GATA3: variants seen among roughly 807,000 people sequenced by gnomAD.
GATA3 encodes the protein GATA binding protein 3.
GATA3 carries 6 observed loss-of-function variants against 36.0 expected under a neutral mutation model. The observed-to-expected ratio is 0.17, with a 90% CI of 0.09 to 0.33. GATA3 has a LOEUF of 0.33. Ranked by LOEUF, GATA3 falls within the 10% of genes least tolerant of loss-of-function variation. The pLI, the probability that GATA3 is intolerant of heterozygous loss-of-function variation, is 1.00. For synonymous variants in GATA3, 326 were observed against 273.0 expected (o/e 1.19, Z -1.92); for missense variants, 514 against 610.1 (o/e 0.84, Z 1.66).
chr10:8,059,696 A>C (rs11567904), intron 3 of GATA3, among the ~76,000 whole-genome samples: 215 of 152,362 alleles, frequency 1.4e-3, no homozygotes, highest in African/African-American at 5.0e-3. Context: ...ATTTTTATTC[A>C]GTTGGTGTCA....
Position 8,055,983 on chromosome 10 carries a change from G to T in GATA3, c.241+87G>T. 1 of 1,515,858 alleles carries T rather than the reference G, an allele frequency of 6.6e-7. No homozygotes were observed. Among genetic ancestry groups the T allele is most frequent in the Non-Finnish European group, 8.9e-7 (1 of 1,118,428 alleles). 93.9% of individuals were successfully genotyped at this position (1,515,858 alleles called of 1,614,324 possible). On this transcript the variant is annotated intron_variant, in intron 2 of 5. Coordinates refer to ENST00000379328, the MANE Select transcript of GATA3 (RefSeq NM_001002295.2). This position sits in a 1 kb window ranked among gnomAD's most constrained non-coding sequence, Gnocchi z 5.4. ...GTCGGGAGGGACCTGAGGGCGGGGA[G>T]AGGTCAAGCGAAAGCCCCCATCTGC...
chr10:8,047,102 TG>T lies in GATA3; in HGVS notation c.-370+1591del, dbSNP rs1417474284. Among the ~76,000 whole-genome samples, 33 of 152,222 alleles carry T rather than the reference TG, an allele frequency of 2.2e-4. No homozygotes were observed. The East Asian group carries it at 6.2e-3, about 28-fold the overall frequency. On this transcript the variant is annotated intron_variant, in intron 1 of 1. Transcript: ENST00000643001. ...GCCTTCTTGCAGAAGATAAACGAGG[TG>T]GGGACAGTCAGGGGCGCAGAGAAGG...
upstream of GATA3, among the ~76,000 whole-genome samples, chr10:8,049,261 T>A (rs1165892735): frequency 6.6e-6 from 1 of 152,168 alleles, no homozygotes; most frequent in African/African-American, 2.4e-5. Context: ...AGTTGCCCCT[T>A]GGACGCACCC....
At position 8,058,395 on chromosome 10, in the gene GATA3, C is replaced by T. The variant is rs2131488574; in HGVS notation, c.332C>T (p.Pro111Leu). 1 of 1,612,878 alleles carries T rather than the reference C, an allele frequency of 6.2e-7. No homozygotes were observed. Among genetic ancestry groups the T allele is most frequent in the Non-Finnish European group, 8.5e-7 (1 of 1,179,974 alleles). The change falls in exon 3 of 6, where the codon CCC becomes CTC. Residue 111 changes from proline (P) to leucine (L), a missense_variant. Pro to Leu is a moderately conservative substitution (Grantham distance 98, BLOSUM62 -3). Transcript: ENST00000379328. ...KALGSHHTAS[P>L]WNLSPFSKTS... is the part of the protein sequence containing the mutation. ...CTGGGCAGCCACCACACCGCCTCCC[C>T]CTGGAATCTCAGCCCCTTCTCCAAG... is the stretch of plus-strand genomic sequence containing the variant.
At position 8,056,273 on chromosome 10, in the gene GATA3, G is replaced by A. The variant is rs569645738; in HGVS notation, c.241+377G>A. ...CGCGGGTCCGGGCTCTCTGGGCCCG[G>A]TAGCCGGCGCCGGACAAGCACGGCT... On this transcript the variant is annotated intron_variant, in intron 2 of 5. Coordinates refer to ENST00000379328, the MANE Select transcript of GATA3 (RefSeq NM_001002295.2). Among the ~76,000 whole-genome samples, 3 of 152,282 alleles carry A rather than the reference G, an allele frequency of 2.0e-5. No homozygotes were observed. The South Asian group carries it at 6.2e-4, about 32-fold the overall frequency.
chr10:8,061,066 G>GCTCTCTCT (rs111353803), intron 3 of GATA3, among the ~76,000 whole-genome samples: 41 of 149,044 alleles, frequency 2.8e-4, no homozygotes, highest in African/African-American at 1.0e-3. Flanking sequence ...TTTAGTGGTT[G>GCTCTCTCT]CTCTCTCTCT....
intron 1 of GATA3, among the ~76,000 whole-genome samples, chr10:8,046,868 A>G (rs1832395252): frequency 6.6e-6 from 1 of 151,990 alleles, no homozygotes; most frequent in Admixed American, 6.6e-5. Flanking sequence ...CCCTGCTTGC[A>G]GCTCCCAGCC....
At position 8,046,434 on chromosome 10, in the gene GATA3, T is replaced by C. The variant is rs1170049345; in HGVS notation, c.-370+919T>C. Among the ~76,000 whole-genome samples the C allele has an allele frequency of 2.0e-5, 3 of 152,214 alleles. No homozygotes were observed. The East Asian group carries it at 5.8e-4, about 29-fold the overall frequency. On this transcript the variant is annotated intron_variant, in intron 1 of 1. Transcript: ENST00000643001. Reference sequence around the variant, plus strand: ...TTCCTGGTCCTTCTCTCCTCCCTATTGTCCATGCTCACCAGGATGCTGGGG... The same window carrying C: ...TTCCTGGTCCTTCTCTCCTCCCTATCGTCCATGCTCACCAGGATGCTGGGG...
chr10:8,060,847 G>A (rs888809215), intron 3 of GATA3, among the ~76,000 whole-genome samples: 6 of 152,164 alleles, frequency 3.9e-5, no homozygotes, highest in African/African-American at 7.2e-5. Context: ...TTTTTTTGGC[G>A]AGGAGGAGAG....
At chr10:8,068,695 G>A (rs1486392403) in intron 4 of GATA3, among the ~76,000 whole-genome samples, 3 of 152,254 alleles carry the variant, frequency 2.0e-5, no homozygotes, top group African/African-American at 7.2e-5. Context: ...GGAGGTTGCA[G>A]TGAGCTGAGA....
rs368931045 is a variant in GATA3 at position 8,066,184 on chromosome 10, CTCTG to C, written c.924+2051_924+2054del. Among the ~76,000 whole-genome samples, 9 of 152,058 alleles carry C rather than the reference CTCTG, an allele frequency of 5.9e-5. No individual in the cohort carries two copies. The East Asian group carries it at 1.5e-3, about 26-fold the overall frequency. The stretch of plus-strand genomic sequence containing the variant: ...TTTGACATTTTCTTGGGTCTTCTTC[CTCTG>C]TCTGGTCAGATTGCAGAGGAGGATC... On this transcript the variant is annotated intron_variant, in intron 4 of 5. Transcript: ENST00000379328.
chr10:8,045,429 C>T (rs1394503046), exon 1 of GATA3: 2 of 152,502 alleles, frequency 1.3e-5, no homozygotes, highest in African/African-American at 4.8e-5. Flanking sequence ...CAGTGGCGAA[C>T]TCTGCCTGTC....
chr10:8,055,717 G>C lies in GATA3; in HGVS notation c.62G>C (p.Gly21Ala). 2 of 1,567,700 alleles carry C rather than the reference G, an allele frequency of 1.3e-6. No individual in the cohort carries two copies. The highest frequency in any genetic ancestry group is 1.7e-6 in the Non-Finnish European group (2 of 1,156,494). Reference sequence around the variant, plus strand: ...CACCACCACCCCGCCGTGCTCAACGGGCAGCACCCGGACACGCACCACCCG... The same window carrying C: ...CACCACCACCCCGCCGTGCTCAACGCGCAGCACCCGGACACGCACCACCCG... ...VSHHHPAVLNGQHPDTHHPGL... is the reference protein window; with the variant it reads ...VSHHHPAVLNAQHPDTHHPGL... The change falls in exon 2 of 6, where the codon GGG (glycine) becomes GCG (alanine). Residue 21 changes from glycine (G) to alanine (A), a missense_variant. By Grantham distance (60) the Gly-to-Ala change is moderately conservative. Transcript: ENST00000379328. The surrounding 1 kb of genome is among the most constrained non-coding windows in gnomAD (Gnocchi z 5.4).
At chr10:8,052,679 G>A (rs1224339482), upstream of GATA3, 2 of 152,162 alleles carry the variant, frequency 1.3e-5, no homozygotes, top group Non-Finnish European at 2.9e-5. Context: ...GCAAAAATGC[G>A]TGTGCATTCG....
intron 4 of GATA3, among the ~76,000 whole-genome samples, chr10:8,065,962 T>A (rs1465216019): frequency 7.9e-4 from 72 of 91,000 alleles, no homozygotes; most frequent in Non-Finnish European, 1.2e-3. Context: ...CTGGCCTTAG[T>A]AAAAAAAAAA....
chr10:8,058,922 C>T, intron 3 of GATA3, 81 bp downstream of exon 3: 1 of 1,377,986 alleles, frequency 7.3e-7, no homozygotes, highest in East Asian at 2.3e-5. Flanking sequence ...CAGAGGGACC[C>T]CTCAGGGGAG....
intron 3 of GATA3, among the ~76,000 whole-genome samples, chr10:8,059,610 G>C (rs958825702): frequency 1.3e-5 from 2 of 152,228 alleles, no homozygotes; most frequent in Admixed American, 1.3e-4. Context: ...GAACGGAAAA[G>C]TGCTCCAGGT....
chr10:8,058,477 C>G lies in GATA3; in HGVS notation c.414C>G (p.Ser138=). The G allele has an allele frequency of 4.3e-6, 7 of 1,612,718 alleles. No homozygotes were observed. Among genetic ancestry groups the G allele is most frequent in the Non-Finnish European group, 5.9e-6 (7 of 1,179,816 alleles). The change falls in exon 3 of 6, where the codon TCC becomes TCG. Residue 138 remains serine (S), a synonymous_variant. Transcript: ENST00000379328. ...GPLSVYPPAS[S]SSLSGGHASP... is the part of the protein sequence containing the mutation. ...TCTCCGTCTACCCCCCGGCCTCGTCCTCCTCCTTGTCGGGGGGCCACGCCA... is the reference window on the plus strand; with the variant it reads ...TCTCCGTCTACCCCCCGGCCTCGTCGTCCTCCTTGTCGGGGGGCCACGCCA...
At chr10:8,049,697 C>A (rs988001066), upstream of GATA3, among the ~76,000 whole-genome samples, 74 of 152,282 alleles carry the variant, frequency 4.9e-4, no homozygotes, top group African/African-American at 1.8e-3. Flanking sequence ...GAAACCCTTG[C>A]GCGGCCAGGG....
Sources: gnomAD v4.1 joint callset for allele counts (sites outside exome capture counted in the v4.1 genomes callset) on GRCh38, gnomAD v4.1.1 for gene constraint, Gnocchi (gnomAD v3.1) non-coding constraint, MANE v1.5 for transcripts, NCBI Gene and HGNC (gene_info 2026-07-23, HGNC 2026-07-21) for gene names.